SNRNP40: variants seen among roughly 807,000 people sequenced by gnomAD.
SNRNP40 encodes the protein small nuclear ribonucleoprotein U5 subunit 40, also known as U5 small nuclear ribonucleoprotein 40 kDa protein.
A neutral mutation model predicts 45.8 loss-of-function variants in SNRNP40; 21 were observed. That is an observed-to-expected ratio of 0.46 (90% CI 0.32 to 0.66). The LOEUF (loss-of-function observed/expected upper bound fraction) is 0.66, where lower values mean the gene tolerates loss of function less well. Among genes scored for constraint, SNRNP40 ranks in the 30% least tolerant of loss-of-function variants. The pLI is 0.03. For synonymous variants in SNRNP40, 142 were observed against 163.8 expected (o/e 0.87, Z 1.01); for missense variants, 344 against 439.1 (o/e 0.78, Z 1.94).
At chr1:31,292,260 A>G (rs527867390) in intron 2 of SNRNP40, among the ~76,000 whole-genome samples, 1 of 152,202 alleles carries the variant, frequency 6.6e-6, no homozygotes, top group Non-Finnish European at 1.5e-5. Context: ...CTCTTGGGAG[A>G]CTGAGGCAGG....
At chr1:31,283,023 C>T (rs1646031118) in intron 4 of SNRNP40, among the ~76,000 whole-genome samples, 1 of 152,130 alleles carries the variant, frequency 6.6e-6, no homozygotes, top group Non-Finnish European at 1.5e-5. Flanking sequence ...TGGGCACATA[C>T]TTAGAAAAGA....
chr1:31,271,442 C>T lies in SNRNP40; in HGVS notation c.712G>A (p.Val238Met). ...TYTMRGHADS[V>M]TGLSLSSEGS... ...TCAGAACTTAAACTCAGGCCAGTCA[C>T]TGAATCTGCATGGCCTCTCATGGTG... Residue 238 changes from valine (V) to methionine (M), a missense_variant, in exon 6 of 10, where the codon GTG becomes ATG. By Grantham distance (21) the Val-to-Met change is conservative (BLOSUM62 1). Coordinates refer to ENST00000263694, the MANE Select transcript of SNRNP40 (RefSeq NM_004814.3). 1.2e-6 allele frequency: 2 copies of T among 1,613,772 alleles called. No individual in the cohort carries two copies. Among genetic ancestry groups the T allele is most frequent in the Non-Finnish European group, 1.7e-6 (2 of 1,179,702 alleles).
intron 1 of SNRNP40, 73 bp from the exon 2 acceptor site, chr1:31,293,421 T>C: frequency 1.4e-6 from 2 of 1,451,820 alleles, no homozygotes; most frequent in Middle Eastern, 1.8e-4. Flanking sequence ...GGGTGGGGAG[T>C]GGAGGGAAAA....
Position 31,291,946 on chromosome 1 carries a change from G to C in SNRNP40, c.332C>G (p.Ala111Gly). Residue 111 changes from alanine to glycine, a missense_variant, in exon 3 of 10, where the codon GCA becomes GGA. This residue lies in a region of SNRNP40 where 254 missense variants were observed against 380.2 expected (regional missense o/e 0.67). Coordinates refer to ENST00000263694, the MANE Select transcript of SNRNP40 (RefSeq NM_004814.3). Reference protein sequence around the residue: ...NYATLKGHSGAVMELHYNTDG... With the variant: ...NYATLKGHSGGVMELHYNTDG... ...TGTGTTGTAATGCAATTCCATCACTGCTCCACTGTGTCCCTTCAGTGTGGC... is the reference window on the plus strand; with the variant it reads ...TGTGTTGTAATGCAATTCCATCACTCCTCCACTGTGTCCCTTCAGTGTGGC... The C allele has an allele frequency of 1.2e-6, 2 of 1,613,124 alleles. No homozygotes were observed. Among genetic ancestry groups the C allele is most frequent in the South Asian group, 2.2e-5 (2 of 91,072 alleles).
chr1:31,285,695 G>C (rs372697784), intron 4 of SNRNP40, among the ~76,000 whole-genome samples: 1 of 152,246 alleles, frequency 6.6e-6, no homozygotes, highest in East Asian at 1.9e-4. Context: ...TATTGCACAA[G>C]GATTCAGTCT....
chr1:31,261,625 A>G lies in SNRNP40; in HGVS notation c.928T>C (p.Tyr310His). The change falls in exon 9 of 10, where the codon TAT (tyrosine) becomes CAT (histidine). Residue 310 changes from tyrosine (Y) to histidine (H), a missense_variant. Physicochemically the swap from Tyr to His is moderately conservative, Grantham distance 83. Around this residue, in one of 2 missense-constraint regions of SNRNP40, gnomAD observed 254 missense variants for 380.2 expected, o/e 0.67. Transcript: ENST00000263694. ...CTCCTGCTTGTGGTATCCCACACAT[A>G]AACAAACCTGTAAGGTATCATGAAA... is the stretch of plus-strand genomic sequence containing the variant. ...IAAGSADRFV[Y>H]VWDTTSRRIL... 3 of 1,611,778 alleles carry G rather than the reference A, an allele frequency of 1.9e-6. No individual in the cohort carries two copies. Among genetic ancestry groups the G allele is most frequent in the Non-Finnish European group, 2.5e-6 (3 of 1,177,950 alleles).
intron 5 of SNRNP40, among the ~76,000 whole-genome samples, chr1:31,272,467 A>G (rs1477511797): frequency 2.0e-5 from 3 of 152,254 alleles, no homozygotes; most frequent in Non-Finnish European, 4.4e-5. Context: ...TACAGGAGAT[A>G]GCATGACAGA....
chr1:31,286,900 G>A (rs952630261), intron 4 of SNRNP40, among the ~76,000 whole-genome samples: 1 of 152,132 alleles, frequency 6.6e-6, no homozygotes, highest in Non-Finnish European at 1.5e-5. Context: ...ACTGGCTTTA[G>A]GACTGAACTG....
intron 8 of SNRNP40, among the ~76,000 whole-genome samples, chr1:31,267,147 A>G (rs1006212850): frequency 6.6e-6 from 1 of 152,202 alleles, no homozygotes; most frequent in Non-Finnish European, 1.5e-5. Flanking sequence ...GAGAACCTAG[A>G]GGTGAGAACG....
chr1:31,278,544 G>GA (rs1238605308), intron 5 of SNRNP40, among the ~76,000 whole-genome samples: 1 of 152,216 alleles, frequency 6.6e-6, no homozygotes, highest in Non-Finnish European at 1.5e-5. Context: ...GTCTTCTAGT[G>GA]ATTCTGACGC....
chr1:31,277,937 C>T (rs976154331), intron 5 of SNRNP40, among the ~76,000 whole-genome samples: 2 of 152,178 alleles, frequency 1.3e-5, no homozygotes, highest in African/African-American at 4.8e-5. Context: ...TTAAGTGATC[C>T]GCCTGCCTTG....
At chr1:31,271,672 A>T (rs1645939634) in intron 5 of SNRNP40, among the ~76,000 whole-genome samples, 173 bp from the exon 6 acceptor site, 1 of 150,284 alleles carries the variant, frequency 6.7e-6, no homozygotes, top group African/African-American at 2.5e-5. Context: ...TTTTTTTGAG[A>T]CAGCGTCTCA....
chr1:31,262,992 A>G (rs1459531082), intron 8 of SNRNP40, among the ~76,000 whole-genome samples: 4 of 142,592 alleles, frequency 2.8e-5, no homozygotes, highest in Non-Finnish European at 6.2e-5. Context: ...ACAGAGTGAG[A>G]TCCTGTCTCA....
Position 31,261,532 on chromosome 1 carries a change from T to C in SNRNP40, c.1021A>G (p.Ile341Val). Residue 341 changes from isoleucine (I) to valine (V), a missense_variant, in exon 9 of 10, where the codon ATC (isoleucine) becomes GTC (valine). Coordinates refer to ENST00000263694, the MANE Select transcript of SNRNP40 (RefSeq NM_004814.3). The part of the protein sequence containing the change: ...NEVAFHPDEP[I>V]IISASSDKRL... Reference sequence around the variant, plus strand: ...CCCCTCGTTGGGACAGACTTACTGATGGGCTCATCAGGGTGGAAAGCCACT... The same window carrying C: ...CCCCTCGTTGGGACAGACTTACTGACGGGCTCATCAGGGTGGAAAGCCACT... 6.2e-7 allele frequency: 1 copy of C among 1,607,178 alleles called. No homozygotes were observed. Among genetic ancestry groups the C allele is most frequent in the Middle Eastern group, 1.7e-4 (1 of 6,012 alleles).
At chr1:31,263,786 AG>A in intron 8 of SNRNP40, 1 of 245,070 alleles carries the variant, frequency 4.1e-6, no homozygotes. Context: ...GGAGCCCAGC[AG>A]GGGGTTCCTA....
intron 7 of SNRNP40, among the ~76,000 whole-genome samples, chr1:31,268,286 GTTT>G (rs200339347): frequency 1.7e-5 from 2 of 117,630 alleles, no homozygotes; most frequent in African/African-American, 3.0e-5. Flanking sequence ...TAAATTTTGG[GTTT>G]TTTTTTTTTT....
chr1:31,265,509 T>G (rs1468746082), intron 8 of SNRNP40, among the ~76,000 whole-genome samples: 1 of 151,944 alleles, frequency 6.6e-6, no homozygotes, highest in Non-Finnish European at 1.5e-5. Flanking sequence ...AGAAACAAAC[T>G]GCTCATCAGA....
intron 1 of SNRNP40, 152 bp from the exon 2 acceptor site, chr1:31,293,500 C>T (rs186115033): frequency 2.8e-6 from 2 of 722,446 alleles, no homozygotes; most frequent in African/African-American, 1.8e-5. Flanking sequence ...CATATGAATG[C>T]CTCCAACTTG....
At chr1:31,293,039 G>GGACT in intron 2 of SNRNP40, 180 bp downstream of exon 2, 1 of 622,802 alleles carries the variant, frequency 1.6e-6, no homozygotes, top group Middle Eastern at 4.4e-4. Context: ...TTTACCCCAT[G>GGACT]GACTCCAAGT....
Sources: allele counts gnomAD v4.1 joint callset (sites outside exome capture counted in the v4.1 genomes callset), GRCh38; gene constraint gnomAD v4.1.1; regional missense constraint gnomAD v4.1.1; transcripts MANE v1.5; gene names NCBI Gene and HGNC (gene_info 2026-07-23, HGNC 2026-07-21).